Variants in EVA1C observed in about 807,000 individuals in gnomAD.
EVA1C encodes protein eva-1 homolog C.
A neutral mutation model predicts 45.4 loss-of-function variants in EVA1C; 25 were observed. The ratio of observed to expected loss-of-function variants is 0.55; its 90% CI spans 0.40 to 0.77. The LOEUF (loss-of-function observed/expected upper bound fraction) is 0.77, where lower values mean the gene tolerates loss of function less well. Ranked by LOEUF, EVA1C falls within the 30% of genes least tolerant of loss-of-function variation. The pLI is 0.00. For missense variants in EVA1C, 479 were observed against 554.8 expected, an observed-to-expected ratio of 0.86 and a Z score of 1.37; for synonymous variants, 190 against 221.2, an observed-to-expected ratio of 0.86 and a Z score of 1.25.
Position 32,476,459 on chromosome 21 carries a change from T to G in EVA1C, c.634+8611T>G, listed in dbSNP as rs373146332. Among the ~76,000 whole-genome samples the G allele has an allele frequency of 2.8e-4, 42 of 152,146 alleles. No homozygotes were observed. In the East Asian group the frequency reaches 7.2e-3, roughly 26 times the overall value. ...GAGTTTGAGACCAGCCTGGCCAACATGGTGAAACCATGTCTCTACTAAAAA... is the reference window on the plus strand; with the variant it reads ...GAGTTTGAGACCAGCCTGGCCAACAGGGTGAAACCATGTCTCTACTAAAAA... On this transcript the variant is annotated intron_variant, in intron 4 of 7. Coordinates refer to ENST00000300255, the MANE Select transcript of EVA1C (RefSeq NM_058187.5).
intron 1 of EVA1C, among the ~76,000 whole-genome samples, chr21:32,434,160 G>A (rs988502295): frequency 3.9e-5 from 6 of 152,110 alleles, no homozygotes; most frequent in Admixed American, 3.9e-4. Context: ...GCTGGGCATA[G>A]TGGCGGGCAC....
chr21:32,416,653 C>T (rs186356163), intron 1 of EVA1C, among the ~76,000 whole-genome samples: 1 of 152,110 alleles, frequency 6.6e-6, no homozygotes, highest in African/African-American at 2.4e-5. Flanking sequence ...TCTTTTGTTT[C>T]CTTTTTTCTC....
rs988125167 is a variant in EVA1C at position 32,443,021 on chromosome 21, G to A, written c.161-10291G>A. Among the ~76,000 whole-genome samples the A allele has an allele frequency of 3.3e-3, 437 of 131,682 alleles. 6 individuals are homozygous for A. The highest frequency in any genetic ancestry group is 0.011 in the African/African-American group (415 of 36,448). The allele number at this position is 131,682 out of a possible 152,430, so 86.4% of individuals were successfully genotyped here. A position where few individuals can be genotyped will look rare whatever the true frequency, so the allele number is the denominator to read the frequency against. ...GGGAAGGAGGGAGGGAGGGAGGGAG[G>A]GAAGGAAGGAGGAAGGGTGGGGAGG... On this transcript the variant is annotated intron_variant, in intron 1 of 7. Coordinates refer to ENST00000300255, the MANE Select transcript of EVA1C (RefSeq NM_058187.5).
At chr21:32,413,643 C>T (rs556015362) in intron 1 of EVA1C, among the ~76,000 whole-genome samples, 2 of 152,222 alleles carry the variant, frequency 1.3e-5, no homozygotes, top group Non-Finnish European at 2.9e-5. Context: ...AACTAGGAGG[C>T]TTTTCTTTTT....
At chr21:32,453,158 GT>G (rs2035646581) in intron 1 of EVA1C, 153 bp from the exon 2 acceptor site, 5 of 538,906 alleles carry the variant, frequency 9.3e-6, no homozygotes, top group Non-Finnish European at 1.7e-5. Flanking sequence ...GCCTGGTTTG[GT>G]GACCTCTGCA....
intron 7 of EVA1C, among the ~76,000 whole-genome samples, chr21:32,512,008 A>C (rs2037972119): frequency 6.6e-6 from 1 of 152,182 alleles, no homozygotes; most frequent in South Asian, 2.1e-4. Context: ...TTAAAAAAAA[A>C]CACCAAGTCT....
intron 3 of EVA1C, 147 bp downstream of exon 3, chr21:32,457,867 A>T: frequency 1.2e-6 from 1 of 826,122 alleles, no homozygotes. Flanking sequence ...CCAGTTTTTT[A>T]GAGACAGAGA....
chr21:32,462,938 C>G (rs144989727), intron 3 of EVA1C, among the ~76,000 whole-genome samples: 1,663 of 152,318 alleles, frequency 0.011, 12 homozygotes, highest in Non-Finnish European at 0.018. Context: ...AGGCTCTCAG[C>G]TCTGGAGGCT....
At chr21:32,506,204 A>G (rs1434942911) in intron 7 of EVA1C, among the ~76,000 whole-genome samples, 1 of 149,450 alleles carries the variant, frequency 6.7e-6, no homozygotes, top group Non-Finnish European at 1.5e-5. Flanking sequence ...TCAGCTCCAC[A>G]GGGTCAGGTG....
At chr21:32,438,500 A>AAC (rs1568882016) in intron 1 of EVA1C, among the ~76,000 whole-genome samples, 7 of 150,612 alleles carry the variant, frequency 4.6e-5, no homozygotes, top group African/African-American at 1.7e-4. Context: ...AAAAAAAAAA[A>AAC]AAAAAAAACC....
chr21:32,470,062 C>T (rs925608876), intron 4 of EVA1C, among the ~76,000 whole-genome samples: 3 of 152,196 alleles, frequency 2.0e-5, no homozygotes, highest in African/African-American at 7.2e-5. Context: ...AGCTGTGAAA[C>T]AGCCCAAGGA....
intron 1 of EVA1C, among the ~76,000 whole-genome samples, chr21:32,417,982 C>T (rs991518080): frequency 2.6e-5 from 4 of 152,126 alleles, no homozygotes; most frequent in Non-Finnish European, 5.9e-5. Flanking sequence ...ACCTTCTGCC[C>T]ATGCATCAGG....
chr21:32,432,372 C>T (rs995597618), intron 1 of EVA1C, among the ~76,000 whole-genome samples: 9 of 152,154 alleles, frequency 5.9e-5, no homozygotes, highest in African/African-American at 2.2e-4. Context: ...CTGTAAGGGT[C>T]TTGAACTCAG....
intron 5 of EVA1C, among the ~76,000 whole-genome samples, chr21:32,496,391 C>A (rs532318991): frequency 6.6e-6 from 1 of 152,282 alleles, no homozygotes; most frequent in African/African-American, 2.4e-5. Context: ...ATATCCTGAA[C>A]TAAAAATGTT....
chr21:32,439,881 G>A (rs2035110146), intron 1 of EVA1C, among the ~76,000 whole-genome samples: 1 of 152,130 alleles, frequency 6.6e-6, no homozygotes, highest in African/African-American at 2.4e-5. Context: ...ATTATGAGCA[G>A]TGAAATTACC....
intron 4 of EVA1C, among the ~76,000 whole-genome samples, chr21:32,489,355 A>G (rs940590278): frequency 3.9e-5 from 6 of 152,222 alleles, no homozygotes; most frequent in African/African-American, 9.6e-5. Flanking sequence ...TGAAAAGACT[A>G]TCCTTTCCCC....
intron 5 of EVA1C, chr21:32,497,322 C>T (rs912827000): frequency 6.4e-6 from 4 of 622,654 alleles, no homozygotes; most frequent in African/African-American, 5.5e-5. Flanking sequence ...TATAGGTGGA[C>T]TTTTTTAATG....
At chr21:32,501,521 A>G (rs764212160) in intron 6 of EVA1C, 26 bp downstream of exon 6, 9 of 1,592,344 alleles carry the variant, frequency 5.7e-6, no homozygotes, top group Middle Eastern at 2.3e-4. Flanking sequence ...TACTACCAGC[A>G]TTTCTCTTTA....
intron 7 of EVA1C, among the ~76,000 whole-genome samples, chr21:32,508,547 C>T (rs928960431): frequency 6.6e-6 from 1 of 152,248 alleles, no homozygotes; most frequent in Non-Finnish European, 1.5e-5. Context: ...GAAATCAGCA[C>T]CACCTTGTCA....
Sources: gnomAD v4.1 joint callset for allele counts (sites outside exome capture counted in the v4.1 genomes callset) on GRCh38, gnomAD v4.1.1 for gene constraint, MANE v1.5 for transcripts, NCBI Gene and HGNC (gene_info 2026-07-23, HGNC 2026-07-21) for gene names.